GPC6: variants seen among roughly 807,000 people sequenced by gnomAD.
GPC6 encodes glypican-6.
Under a neutral mutation model 55.2 loss-of-function variants are expected in GPC6, and 14 were observed. The ratio of observed to expected loss-of-function variants is 0.25; its 90% CI spans 0.17 to 0.40. GPC6 has a LOEUF of 0.40. Ranked by LOEUF, GPC6 falls within the 10% of genes least tolerant of loss-of-function variation. GPC6 has a pLI of 1.00. For synonymous variants in GPC6, 278 were observed against 259.6 expected, an observed-to-expected ratio of 1.07 and a Z score of -0.68; for missense variants, 641 against 708.5, an observed-to-expected ratio of 0.90 and a Z score of 1.08.
intron 4 of GPC6, among the ~76,000 whole-genome samples, chr13:94,202,537 T>C (rs1315162922): frequency 1.3e-5 from 2 of 152,120 alleles, no homozygotes. Context: ...GAGAACAGTA[T>C]GGGGGAAACA....
At chr13:93,874,953 G>A (rs923926873) in intron 3 of GPC6, among the ~76,000 whole-genome samples, 1 of 151,948 alleles carries the variant, frequency 6.6e-6, no homozygotes, top group Non-Finnish European at 1.5e-5. Context: ...TGACACACAC[G>A]TCTAGGAGGG....
chr13:93,240,205 T>A lies in GPC6; in HGVS notation c.160+12589T>A, dbSNP rs554429511. On this transcript the variant is annotated intron_variant, in intron 1 of 8. Coordinates refer to ENST00000377047, the MANE Select transcript of GPC6 (RefSeq NM_005708.5). ...CTTTGTTGACTTTCTGCCTCAATGA[T>A]CTAGCTAGTGTTGTGTTGAAGTCCC... Among the ~76,000 whole-genome samples the A allele has an allele frequency of 1.2e-4, 19 of 152,188 alleles. No individual in the cohort carries two copies. The South Asian group carries it at 3.9e-3, about 32-fold the overall frequency.
chr13:93,471,555 G>A (rs1318065662), intron 1 of GPC6, among the ~76,000 whole-genome samples: 1 of 152,022 alleles, frequency 6.6e-6, no homozygotes, highest in South Asian at 2.1e-4. Context: ...CCTATATTTA[G>A]CTTCATTTTA....
chr13:94,259,899 CACAT>C (rs1891608395), intron 4 of GPC6, among the ~76,000 whole-genome samples: 2 of 152,182 alleles, frequency 1.3e-5, no homozygotes, highest in African/African-American at 4.8e-5. Flanking sequence ...TGCACACACA[CACAT>C]ACACACACAC....
intron 4 of GPC6, among the ~76,000 whole-genome samples, chr13:94,237,827 A>G (rs1197349586): frequency 6.6e-6 from 1 of 152,196 alleles, no homozygotes; most frequent in East Asian, 1.9e-4. Flanking sequence ...AGTGGTGTGA[A>G]CATGACCTGA....
chr13:93,622,447 T>A (rs1236890187), intron 2 of GPC6, among the ~76,000 whole-genome samples: 1 of 152,022 alleles, frequency 6.6e-6, no homozygotes, highest in African/African-American at 2.4e-5. Flanking sequence ...AAGTGTTCCC[T>A]TTTCTCTGTA....
At chr13:93,914,468 C>T (rs1052769674) in intron 3 of GPC6, among the ~76,000 whole-genome samples, 15 of 152,132 alleles carry the variant, frequency 9.9e-5, no homozygotes, top group African/African-American at 2.7e-4. Context: ...AGAACAGAAA[C>T]GGCATTGCTC....
chr13:93,687,079 T>A (rs1445206486), intron 2 of GPC6, among the ~76,000 whole-genome samples: 1 of 152,086 alleles, frequency 6.6e-6, no homozygotes, highest in Non-Finnish European at 1.5e-5. Context: ...TTTGTCAAGC[T>A]GGAATTCTTT....
intron 4 of GPC6, among the ~76,000 whole-genome samples, chr13:94,058,849 G>A (rs1435159557): frequency 1.3e-5 from 2 of 152,160 alleles, no homozygotes; most frequent in Non-Finnish European, 2.9e-5. Flanking sequence ...AAGCAGATAC[G>A]TTAGGTTCCA....
intron 2 of GPC6, among the ~76,000 whole-genome samples, chr13:93,764,554 G>T (rs1885050274): frequency 6.8e-6 from 1 of 146,310 alleles, no homozygotes; most frequent in Admixed American, 7.1e-5. Context: ...GAATATGAAA[G>T]TTATTTATGA....
intron 4 of GPC6, among the ~76,000 whole-genome samples, chr13:94,121,261 C>G (rs1199338451): frequency 1.3e-5 from 2 of 152,078 alleles, no homozygotes; most frequent in Non-Finnish European, 2.9e-5. Context: ...TCTTGTGTTC[C>G]CAGAGTGGGC....
intron 1 of GPC6, among the ~76,000 whole-genome samples, chr13:93,441,413 T>C (rs1232947558): frequency 2.0e-5 from 3 of 152,150 alleles, no homozygotes; most frequent in African/African-American, 7.2e-5. Flanking sequence ...GGTATCTCAT[T>C]GTGGTTTTGA....
chr13:94,336,676 C>G (rs1248658921), intron 6 of GPC6, among the ~76,000 whole-genome samples: 3 of 151,904 alleles, frequency 2.0e-5, no homozygotes, highest in Non-Finnish European at 4.4e-5. Context: ...TATCTGCTTT[C>G]TCTGCAACAA....
chr13:94,271,372 G>A (rs1223324726), intron 4 of GPC6, among the ~76,000 whole-genome samples: 8 of 107,050 alleles, frequency 7.5e-5, no homozygotes, highest in African/African-American at 1.7e-4. Context: ...ACACACGCGC[G>A]CGCGCGCGCG....
At chr13:93,541,871 G>GT (rs1882320535) in intron 1 of GPC6, among the ~76,000 whole-genome samples, 1 of 150,360 alleles carries the variant, frequency 6.7e-6, no homozygotes, top group African/African-American at 2.4e-5. Flanking sequence ...TTTTGATGGG[G>GT]TTGTTTTTTT....
intron 5 of GPC6, among the ~76,000 whole-genome samples, chr13:94,292,205 G>A (rs189792127): frequency 6.6e-6 from 1 of 152,298 alleles, no homozygotes; most frequent in African/African-American, 2.4e-5. Context: ...GTCTCACGGT[G>A]CAAAGGGTAG....
At chr13:93,633,138 G>C (rs922655446) in intron 2 of GPC6, among the ~76,000 whole-genome samples, 8 of 152,122 alleles carry the variant, frequency 5.3e-5, no homozygotes, top group Non-Finnish European at 1.0e-4. Flanking sequence ...GGTCATACTT[G>C]TGAGAAACTG....
chr13:94,016,865 G>A (rs548121795), intron 3 of GPC6, among the ~76,000 whole-genome samples: 9 of 148,644 alleles, frequency 6.1e-5, no homozygotes, highest in South Asian at 2.1e-4. Context: ...ATGGAGTTTC[G>A]CTCTTTTTGC....
chr13:93,825,221 C>T (rs759996008), intron 2 of GPC6, among the ~76,000 whole-genome samples: 5 of 152,142 alleles, frequency 3.3e-5, no homozygotes, highest in Non-Finnish European at 5.9e-5. Context: ...GTTGTGACTA[C>T]TCAGAGAAGG....
Sources: allele counts gnomAD v4.1 joint callset (sites outside exome capture counted in the v4.1 genomes callset), GRCh38; gene constraint gnomAD v4.1.1; transcripts MANE v1.5; gene names NCBI Gene and HGNC (gene_info 2026-07-23, HGNC 2026-07-21).